CAMK1D: variants seen among roughly 807,000 people sequenced by gnomAD.
CAMK1D encodes calcium/calmodulin-dependent protein kinase type 1D.
A neutral mutation model predicts 47.7 loss-of-function variants in CAMK1D; 9 were observed. The ratio of observed to expected loss-of-function variants is 0.19; its 90% CI spans 0.11 to 0.33. The LOEUF is 0.33. Among genes scored for constraint, CAMK1D ranks in the 10% least tolerant of loss-of-function variants. CAMK1D has a pLI of 1.00. For synonymous variants in CAMK1D, 184 were observed against 184.9 expected, an observed-to-expected ratio of 0.99 and a Z score of 0.04; for missense variants, 291 against 488.7, an observed-to-expected ratio of 0.60 and a Z score of 3.81.
intron 1 of CAMK1D, among the ~76,000 whole-genome samples, chr10:12,531,136 G>C (rs1310849925): frequency 6.6e-6 from 1 of 152,184 alleles, no homozygotes; most frequent in Non-Finnish European, 1.5e-5. Context: ...TACATGTGAG[G>C]CTTCTCCTGT....
At position 12,830,960 on chromosome 10, in the gene CAMK1D, C is replaced by CAA. The variant is rs1328092036; in HGVS notation, c.*2074_*2075insAA. On this transcript the variant is annotated 3_prime_UTR_variant, in exon 11 of 11. Transcript: ENST00000619168. ...ACACACACACACACACACACACACA[C>CAA]ACACAATGTTATTAGGCACAGCAGC... The CAA allele has an allele frequency of 4.2e-5, 6 of 143,218 alleles. No individual in the cohort carries two copies. Among genetic ancestry groups the CAA allele is most frequent in the African/African-American group, 1.7e-4 (6 of 34,656 alleles). 8.9% of individuals were successfully genotyped at this position (143,218 alleles called of 1,614,324 possible). A position where few individuals can be genotyped will look rare whatever the true frequency, so the allele number is the denominator to read the frequency against.
At chr10:12,621,101 T>C (rs1024584817) in intron 2 of CAMK1D, among the ~76,000 whole-genome samples, 2 of 152,272 alleles carry the variant, frequency 1.3e-5, no homozygotes, top group East Asian at 1.9e-4. Context: ...CATTTGGGCT[T>C]AGACATATGG....
intron 8 of CAMK1D, 149 bp downstream of exon 8, chr10:12,816,477 C>T: frequency 7.7e-6 from 5 of 651,858 alleles, no homozygotes; most frequent in Admixed American, 2.8e-5. Context: ...TCCTCCTCTC[C>T]CCAAGCCAAC....
Position 12,630,414 on chromosome 10 carries a change from T to G in CAMK1D, c.225-36322T>G, listed in dbSNP as rs547930101. Among the ~76,000 whole-genome samples the G allele has an allele frequency of 2.7e-5, 4 of 150,094 alleles. No homozygotes were observed. The South Asian group carries it at 8.6e-4, about 32-fold the overall frequency. ...AAAAAAAAGACAGGATCTCACTCAGTAGCCCAGGCTGGAGAACAGTGGTGT... is the reference window on the plus strand; with the variant it reads ...AAAAAAAAGACAGGATCTCACTCAGGAGCCCAGGCTGGAGAACAGTGGTGT... On this transcript the variant is annotated intron_variant, in intron 2 of 10. Coordinates refer to ENST00000619168, the MANE Select transcript of CAMK1D (RefSeq NM_153498.4).
rs1207416018 is a variant in CAMK1D at position 12,387,409 on chromosome 10, ATATATATTTTATATATTT to A, written c.92+37508_92+37525del. Among the ~76,000 whole-genome samples the A allele has an allele frequency of 8.9e-3, 339 of 37,996 alleles. 3 individuals carry two copies. Among genetic ancestry groups the A allele is most frequent in the African/African-American group, 0.015 (301 of 20,020 alleles). The allele number at this position is 37,996 out of a possible 152,430, so 24.9% of individuals were successfully genotyped here. A position where few individuals can be genotyped will look rare whatever the true frequency, so the allele number is the denominator to read the frequency against. On this transcript the variant is annotated intron_variant, in intron 1 of 10. Transcript: ENST00000619168. ...TATATATTATATATTTTTATATATTATATATATTTTATATATTTTATATATTATATATATTTTATATAT... is the reference window on the plus strand; with the variant it reads ...TATATATTATATATTTTTATATATTATATATATTATATATATTTTATATAT...
At chr10:12,454,880 TCTC>T (rs779499294) in intron 1 of CAMK1D, among the ~76,000 whole-genome samples, 14 of 152,222 alleles carry the variant, frequency 9.2e-5, no homozygotes, top group Non-Finnish European at 1.8e-4. Context: ...AGTTAGCTGT[TCTC>T]CTACATTCTC....
chr10:12,763,012 G>A (rs1407155179), intron 4 of CAMK1D, among the ~76,000 whole-genome samples: 1 of 152,182 alleles, frequency 6.6e-6, no homozygotes, highest in Non-Finnish European at 1.5e-5. Flanking sequence ...TATCCAGGAG[G>A]GGCAGTGTTT....
At chr10:12,674,226 C>T (rs1840720288) in intron 3 of CAMK1D, among the ~76,000 whole-genome samples, 1 of 152,246 alleles carries the variant, frequency 6.6e-6, no homozygotes, top group Non-Finnish European at 1.5e-5. Context: ...TGAGCCACTG[C>T]TCCTGGCCCC....
intron 1 of CAMK1D, among the ~76,000 whole-genome samples, chr10:12,365,730 G>A (rs143299121): frequency 0.017 from 2,515 of 151,192 alleles, 52 homozygotes; most frequent in African/African-American, 0.045. Context: ...AAGCCACCAC[G>A]CCCGGCCTAA....
At position 12,422,719 on chromosome 10, in the gene CAMK1D, C is replaced by T. The variant is rs140135176; in HGVS notation, c.92+72809C>T. On this transcript the variant is annotated intron_variant, in intron 1 of 10. Coordinates refer to ENST00000619168, the MANE Select transcript of CAMK1D (RefSeq NM_153498.4). The stretch of plus-strand genomic sequence containing the variant: ...ACAGAGTCTCAGTCTGTCGCCCAGG[C>T]TGGAGTGCAGTGGCATAATCTCGGC... 8.2e-3 allele frequency among the ~76,000 whole-genome samples: 1,247 copies of T among 151,696 alleles called. 19 individuals are homozygous for T. Among genetic ancestry groups the T allele is most frequent in the African/African-American group, 0.028 (1,172 of 41,288 alleles).
chr10:12,392,145 A>T (rs549061676), intron 1 of CAMK1D, among the ~76,000 whole-genome samples: 1 of 152,226 alleles, frequency 6.6e-6, no homozygotes, highest in East Asian at 1.9e-4. Context: ...TCTACTAAAC[A>T]TACAAAATTA....
chr10:12,466,743 C>T (rs1833603198), intron 1 of CAMK1D, among the ~76,000 whole-genome samples: 1 of 152,046 alleles, frequency 6.6e-6, no homozygotes. Context: ...AAGCCTCTGA[C>T]CTTAGGAAGG....
At chr10:12,656,870 C>CAT (rs925883917) in intron 2 of CAMK1D, among the ~76,000 whole-genome samples, 4 of 152,204 alleles carry the variant, frequency 2.6e-5, no homozygotes, top group African/African-American at 7.2e-5. Flanking sequence ...TACATAAACA[C>CAT]ATATATATAC....
chr10:12,690,258 C>A (rs530760721), intron 3 of CAMK1D, among the ~76,000 whole-genome samples: 1 of 152,138 alleles, frequency 6.6e-6, no homozygotes, highest in Non-Finnish European at 1.5e-5. Context: ...TATACTGTGT[C>A]TTGACTCATT....
chr10:12,594,079 G>A (rs1310350657), intron 2 of CAMK1D, among the ~76,000 whole-genome samples: 1 of 152,194 alleles, frequency 6.6e-6, no homozygotes, highest in Non-Finnish European at 1.5e-5. Context: ...GGGAGGCTGA[G>A]GCAGGAGAAT....
At chr10:12,546,924 G>A (rs1404556152) in intron 1 of CAMK1D, among the ~76,000 whole-genome samples, 9 of 152,116 alleles carry the variant, frequency 5.9e-5, no homozygotes, top group Non-Finnish European at 7.4e-5. Flanking sequence ...AAACCTGCAC[G>A]TGGTGCACAT....
At chr10:12,699,487 G>A (rs183972136) in intron 3 of CAMK1D, among the ~76,000 whole-genome samples, 1 of 152,224 alleles carries the variant, frequency 6.6e-6, no homozygotes, top group Non-Finnish European at 1.5e-5. Flanking sequence ...CTTGTCTGAA[G>A]CTGAGCTGAG....
chr10:12,634,463 C>T (rs897016141), intron 2 of CAMK1D, among the ~76,000 whole-genome samples: 2 of 152,152 alleles, frequency 1.3e-5, no homozygotes, highest in Non-Finnish European at 2.9e-5. Context: ...CCCATTGTCC[C>T]GTAAGCAGGA....
chr10:12,471,851 G>A (rs1368193920), intron 1 of CAMK1D, among the ~76,000 whole-genome samples: 1 of 151,778 alleles, frequency 6.6e-6, no homozygotes, highest in East Asian at 1.9e-4. Context: ...GGGCAACATA[G>A]CAAGACTCTC....
Sources: gnomAD v4.1 joint callset for allele counts (sites outside exome capture counted in the v4.1 genomes callset) on GRCh38, gnomAD v4.1.1 for gene constraint, MANE v1.5 for transcripts, NCBI Gene and HGNC (gene_info 2026-07-23, HGNC 2026-07-21) for gene names.